Variants in EIF4G3 observed in about 807,000 individuals in gnomAD.
EIF4G3 encodes eIF-4-gamma 3.
EIF4G3 carries 34 observed loss-of-function variants against 186.4 expected under a neutral mutation model. The ratio of observed to expected loss-of-function variants is 0.18; its 90% CI spans 0.14 to 0.24. The LOEUF (loss-of-function observed/expected upper bound fraction) is 0.24, where lower values mean the gene tolerates loss of function less well. EIF4G3 is among the 10% of genes least tolerant of loss of function. EIF4G3 has a pLI of 1.00. For synonymous variants in EIF4G3, 673 were observed against 679.5 expected (o/e 0.99, Z 0.15); for missense variants, 1,536 against 1,948.5 (o/e 0.79, Z 3.99).
intron 4 of EIF4G3, among the ~76,000 whole-genome samples, chr1:21,031,661 C>T (rs995353054): frequency 2.0e-5 from 3 of 152,062 alleles, no homozygotes; most frequent in African/African-American, 7.2e-5. Flanking sequence ...GCCAAAAAGT[C>T]CAGTAACAGG....
In EIF4G3 at chr1:20,810,928, CAT is replaced by C. The variant is rs1557718836; in HGVS notation, c.4598-46_4598-45del. ...CTAGGAATTACATTTAAGGAGTTAA[CAT>C]AGAATTATCTTTAATTTTCTTTCTT... On this transcript the variant is annotated intron_variant, in intron 35 of 36. Transcript: ENST00000602326. The surrounding 1 kb of genome is among the most constrained non-coding windows in gnomAD (Gnocchi z 4.1). The C allele has an allele frequency of 3.2e-6, 5 of 1,557,662 alleles. No homozygotes were observed. Among genetic ancestry groups the C allele is most frequent in the Non-Finnish European group, 4.4e-6 (5 of 1,143,132 alleles).
chr1:21,047,056 G>A (rs1184844844), intron 4 of EIF4G3, among the ~76,000 whole-genome samples: 1 of 152,144 alleles, frequency 6.6e-6, no homozygotes, highest in African/African-American at 2.4e-5. Context: ...CTATATGACA[G>A]ATGAAGAAAC....
intron 14 of EIF4G3, chr1:20,941,184 G>A: frequency 6.8e-7 from 1 of 1,479,892 alleles, no homozygotes; most frequent in Non-Finnish European, 9.0e-7. Flanking sequence ...ATTAAGCATT[G>A]AGAAACCAAT....
At chr1:20,882,465 C>T (rs1027721065) in intron 19 of EIF4G3, among the ~76,000 whole-genome samples, 46 of 151,634 alleles carry the variant, frequency 3.0e-4, no homozygotes, top group African/African-American at 9.9e-4. Context: ...ACTAAAAATA[C>T]AAAAAATTAG....
chr1:21,030,655 G>C (rs899420615), intron 4 of EIF4G3, among the ~76,000 whole-genome samples: 1 of 152,176 alleles, frequency 6.6e-6, no homozygotes, highest in Non-Finnish European at 1.5e-5. Flanking sequence ...AACCACACAA[G>C]TAAGTAATTT....
intron 26 of EIF4G3, among the ~76,000 whole-genome samples, chr1:20,854,097 G>C (rs1164307986): frequency 6.6e-6 from 1 of 152,098 alleles, no homozygotes. Flanking sequence ...TAGTAGAAGG[G>C]ACATATAGGA....
chr1:21,149,335 G>A (rs947993259), intron 2 of EIF4G3, among the ~76,000 whole-genome samples: 13 of 152,164 alleles, frequency 8.5e-5, no homozygotes, highest in South Asian at 4.1e-4. Flanking sequence ...TGAGTAAACT[G>A]TTATTCTTTT....
chr1:20,892,967 GCA>G, intron 18 of EIF4G3: 1 of 477,324 alleles, frequency 2.1e-6, no homozygotes, highest in Non-Finnish European at 3.7e-6. Flanking sequence ...GAGTGCAGTG[GCA>G]TGATCATGGC....
chr1:20,813,389 C>G (rs1049806446), intron 34 of EIF4G3, 150 bp from the exon 35 acceptor site: 9 of 332,182 alleles, frequency 2.7e-5, no homozygotes, highest in Non-Finnish European at 4.8e-5. Flanking sequence ...ATAGTAAGAC[C>G]CTATCTCTTA....
At chr1:21,012,589 C>T (rs774386836) in intron 4 of EIF4G3, among the ~76,000 whole-genome samples, 4 of 152,078 alleles carry the variant, frequency 2.6e-5, no homozygotes, top group Non-Finnish European at 1.5e-5. Flanking sequence ...CTCAAGAAAC[C>T]GGTAAGAACC....
In EIF4G3 at chr1:20,840,968, C is replaced by G; in HGVS notation, c.3949G>C (p.Val1317Leu). ...AQGLLHVFVR[V>L]GVESTLERSQ... is the part of the protein sequence containing the mutation. ...CTTTCCAGGGTGGACTCCACTCCCA[C>G]TCTCACAAAAACATGTAGTAGGCCC... is the stretch of plus-strand genomic sequence containing the variant. The change falls in exon 30 of 37, where the codon GTG (valine) becomes CTG (leucine). Residue 1317 changes from valine to leucine, a missense_variant. Coordinates refer to ENST00000602326, the MANE Select transcript of EIF4G3 (RefSeq NM_001391906.1). The G allele has an allele frequency of 1.9e-6, 3 of 1,614,152 alleles. No individual in the cohort carries two copies. The highest frequency in any genetic ancestry group is 2.5e-6 in the Non-Finnish European group (3 of 1,180,018).
intron 20 of EIF4G3, among the ~76,000 whole-genome samples, chr1:20,869,010 A>G (rs1449876483): frequency 6.6e-6 from 1 of 152,180 alleles, no homozygotes; most frequent in Non-Finnish European, 1.5e-5. Context: ...CTTATCCCCA[A>G]AAGGATCAAA....
Position 20,884,542 on chromosome 1 carries a change from A to T in EIF4G3, c.2424+1659T>A, listed in dbSNP as rs552502619. On this transcript the variant is annotated intron_variant, in intron 19 of 36. Coordinates refer to ENST00000602326, the MANE Select transcript of EIF4G3 (RefSeq NM_001391906.1). ...TAAGCCATTTAGGCCCATTATCATTAAGCATTTCTCACGGAGATTGGAGAG... is the reference window on the plus strand; with the variant it reads ...TAAGCCATTTAGGCCCATTATCATTTAGCATTTCTCACGGAGATTGGAGAG... 1.4e-4 allele frequency among the ~76,000 whole-genome samples: 21 copies of T among 152,332 alleles called. No homozygotes were observed. The South Asian group carries it at 4.3e-3, about 32-fold the overall frequency.
chr1:20,879,095 G>A (rs2081617584), intron 20 of EIF4G3, among the ~76,000 whole-genome samples: 1 of 152,120 alleles, frequency 6.6e-6, no homozygotes, highest in African/African-American at 2.4e-5. Flanking sequence ...TACGCTGAAT[G>A]GGCCCATCTC....
At chr1:21,087,844 A>C (rs1031225927) in intron 3 of EIF4G3, among the ~76,000 whole-genome samples, 1 of 151,908 alleles carries the variant, frequency 6.6e-6, no homozygotes, top group East Asian at 2.0e-4. Context: ...TGTGTTAGCC[A>C]GGATGGTCTC....
intron 6 of EIF4G3, among the ~76,000 whole-genome samples, chr1:21,000,815 T>C (rs763183275): frequency 6.6e-6 from 1 of 152,072 alleles, no homozygotes. Flanking sequence ...CTGAAGAGTT[T>C]ATGACCACAG....
At chr1:20,929,796 A>C (rs1163256950) in intron 14 of EIF4G3, among the ~76,000 whole-genome samples, 1 of 152,192 alleles carries the variant, frequency 6.6e-6, no homozygotes, top group African/African-American at 2.4e-5. Flanking sequence ...ACAAGGAAAA[A>C]GGGTAAGACT....
intron 15 of EIF4G3, among the ~76,000 whole-genome samples, chr1:20,901,900 ACT>A (rs1345756059): frequency 6.6e-6 from 1 of 152,192 alleles, no homozygotes; most frequent in East Asian, 1.9e-4. Context: ...ACTTGACAGA[ACT>A]CTGTGCTTAA....
chr1:20,980,497 G>T, intron 9 of EIF4G3, 49 bp from the exon 10 acceptor site: 1 of 1,243,990 alleles, frequency 8.0e-7, no homozygotes. Flanking sequence ...GTATCTGGGG[G>T]CGAAAAACAT....
Sources: allele counts gnomAD v4.1 joint callset (sites outside exome capture counted in the v4.1 genomes callset), GRCh38; gene constraint gnomAD v4.1.1; non-coding constraint Gnocchi (gnomAD v3.1); transcripts MANE v1.5; gene names NCBI Gene and HGNC (gene_info 2026-07-23, HGNC 2026-07-21).